PLPP3: variants seen among roughly 807,000 people sequenced by gnomAD.
The protein encoded by PLPP3 is PAP2 beta.
In PLPP3, 6 loss-of-function variants were observed where a neutral mutation model predicts 29.6. That is an observed-to-expected ratio of 0.20 (90% CI 0.11 to 0.40). The LOEUF (loss-of-function observed/expected upper bound fraction) is 0.40, where lower values mean the gene tolerates loss of function less well. Ranked by LOEUF, PLPP3 falls within the 10% of genes least tolerant of loss-of-function variation. The probability of loss-of-function intolerance (pLI) is 1.00; values close to 1 mark genes in which losing one functional copy is unlikely to be tolerated. For missense variants in PLPP3, 308 were observed against 407.7 expected (o/e 0.76, Z 2.11); for synonymous variants, 152 against 159.7 (o/e 0.95, Z 0.36).
chr1:56,559,231 C>T (rs1646104536), intron 1 of PLPP3, among the ~76,000 whole-genome samples: 1 of 152,144 alleles, frequency 6.6e-6, no homozygotes, highest in African/African-American at 2.4e-5. Context: ...GGCTGGAATA[C>T]AGATTTCTGT....
intron 1 of PLPP3, among the ~76,000 whole-genome samples, chr1:56,577,585 G>A (rs1646244602): frequency 6.6e-6 from 1 of 152,144 alleles, no homozygotes; most frequent in African/African-American, 2.4e-5. Flanking sequence ...ATACCAGAGA[G>A]GTATAACTCC....
chr1:56,572,316 C>T (rs1289216100), intron 1 of PLPP3, among the ~76,000 whole-genome samples: 2 of 152,116 alleles, frequency 1.3e-5, no homozygotes, highest in Non-Finnish European at 2.9e-5. Context: ...TCCCAAAGTG[C>T]TAGGATTACA....
chr1:56,575,970 G>A (rs1287156449), intron 1 of PLPP3, among the ~76,000 whole-genome samples: 1 of 152,074 alleles, frequency 6.6e-6, no homozygotes, highest in Non-Finnish European at 1.5e-5. Context: ...AAACTATCAC[G>A]CAAAGATTCA....
intron 1 of PLPP3, among the ~76,000 whole-genome samples, chr1:56,578,502 G>T (rs530984490): frequency 2.0e-5 from 3 of 152,320 alleles, no homozygotes; most frequent in African/African-American, 4.8e-5. Flanking sequence ...GATGGAGGGC[G>T]ACCAGCTAGC....
rs763962988 is a variant in PLPP3 at position 56,537,020 on chromosome 1, T to G, written c.232A>C (p.Lys78Gln). The G allele has an allele frequency of 5.0e-6, 8 of 1,613,724 alleles. No homozygotes were observed. The East Asian group carries it at 1.8e-4, about 36-fold the overall frequency. The change falls in exon 2 of 6, where the codon AAA (lysine) becomes CAA (glutamine). Residue 78 changes from lysine (K) to glutamine (Q), a missense_variant. By Grantham distance (53) the Lys-to-Gln change is moderately conservative. Around this residue, in one of 3 missense-constraint regions of PLPP3, gnomAD observed 232 missense variants for 317.2 expected, o/e 0.73. Coordinates refer to ENST00000371250, the MANE Select transcript of PLPP3 (RefSeq NM_003713.5). ...GCGTCATTTATTGTCTCACCAGTTTTCAGTGGGTACTTGATGCTCTCATCA... is the reference window on the plus strand; with the variant it reads ...GCGTCATTTATTGTCTCACCAGTTTGCAGTGGGTACTTGATGCTCTCATCA... The part of the protein sequence containing the change: ...CNDESIKYPL[K>Q]TGETINDAVL...
chr1:56,572,589 T>C (rs906377236), intron 1 of PLPP3, among the ~76,000 whole-genome samples: 2 of 152,222 alleles, frequency 1.3e-5, no homozygotes, highest in Non-Finnish European at 1.5e-5. Flanking sequence ...AACCTGCCAC[T>C]GCTTTTCTTC....
chr1:56,545,329 T>A (rs1012253167), intron 1 of PLPP3, among the ~76,000 whole-genome samples: 1 of 152,294 alleles, frequency 6.6e-6, no homozygotes, highest in East Asian at 1.9e-4. Context: ...AGGACTAAGA[T>A]GTAGTTGATA....
chr1:56,511,826 T>G, intron 5 of PLPP3, 150 bp downstream of exon 5: 1 of 845,536 alleles, frequency 1.2e-6, no homozygotes, highest in South Asian at 1.5e-5. Flanking sequence ...GAAGGAGTCC[T>G]AAGGCCTAAG....
intron 2 of PLPP3, among the ~76,000 whole-genome samples, chr1:56,527,789 G>A (rs1243240746): frequency 6.6e-6 from 1 of 152,110 alleles, no homozygotes. Flanking sequence ...TCTATTTAAT[G>A]AAATTTGGGT....
At chr1:56,526,865 C>A (rs1645856057) in intron 2 of PLPP3, among the ~76,000 whole-genome samples, 1 of 152,164 alleles carries the variant, frequency 6.6e-6, no homozygotes, top group Non-Finnish European at 1.5e-5. Context: ...AAGCAGGGAG[C>A]AGAACCAAGG....
At chr1:56,567,901 C>G (rs1646172253) in intron 1 of PLPP3, among the ~76,000 whole-genome samples, 1 of 152,058 alleles carries the variant, frequency 6.6e-6, no homozygotes, top group African/African-American at 2.4e-5. Flanking sequence ...AAATGTTCAT[C>G]AAGTGGTGAA....
chr1:56,527,604 C>T (rs774992816), intron 2 of PLPP3, among the ~76,000 whole-genome samples: 5 of 152,138 alleles, frequency 3.3e-5, no homozygotes, highest in Non-Finnish European at 7.4e-5. Context: ...AGACACATGA[C>T]TCCAGGACCA....
chr1:56,525,761 C>T (rs1352635704), intron 2 of PLPP3, among the ~76,000 whole-genome samples: 1 of 152,118 alleles, frequency 6.6e-6, no homozygotes, highest in East Asian at 1.9e-4. Flanking sequence ...GTTACACTTG[C>T]CCTTTCAGAG....
chr1:56,542,784 G>A (rs1645978861), intron 1 of PLPP3, among the ~76,000 whole-genome samples: 1 of 152,108 alleles, frequency 6.6e-6, no homozygotes, highest in African/African-American at 2.4e-5. Flanking sequence ...CCCTTTGGGA[G>A]GCTGAGGCAG....
At chr1:56,574,926 T>A (rs1347871210) in intron 1 of PLPP3, among the ~76,000 whole-genome samples, 1 of 152,186 alleles carries the variant, frequency 6.6e-6, no homozygotes. Context: ...CTTCCCTTTT[T>A]CGCAATGGTA....
At chr1:56,549,450 G>A (rs1054216701) in intron 1 of PLPP3, among the ~76,000 whole-genome samples, 3 of 152,086 alleles carry the variant, frequency 2.0e-5, no homozygotes, top group East Asian at 1.9e-4. Flanking sequence ...TTTGATCACC[G>A]GATCACACTT....
intron 2 of PLPP3, among the ~76,000 whole-genome samples, chr1:56,526,824 A>G (rs1193400333): frequency 6.6e-6 from 1 of 152,218 alleles, no homozygotes; most frequent in Non-Finnish European, 1.5e-5. Context: ...GCAATGGCAG[A>G]GGAAAGTTAC....
rs916329405 is a variant in PLPP3, at chr1:56,494,991, T to G, written c.*1560A>C. On this transcript the variant is annotated 3_prime_UTR_variant, in exon 6 of 6. Coordinates refer to ENST00000371250, the MANE Select transcript of PLPP3 (RefSeq NM_003713.5). ...AGAACTATGATATTTTAGTTGATAT[T>G]TAAAAAAATTAACTCAATGCTTTTT... is the stretch of plus-strand genomic sequence containing the variant. 4 of 152,612 alleles carry G rather than the reference T, an allele frequency of 2.6e-5. No homozygotes were observed. Among genetic ancestry groups the G allele is most frequent in the African/African-American group, 9.6e-5 (4 of 41,460 alleles). 9.5% of individuals were successfully genotyped at this position (152,612 alleles called of 1,614,324 possible). A position where few individuals can be genotyped will look rare whatever the true frequency, so the allele number is the denominator to read the frequency against.
chr1:56,577,717 TAGC>T (rs930878816), intron 1 of PLPP3, among the ~76,000 whole-genome samples: 2 of 152,180 alleles, frequency 1.3e-5, no homozygotes, highest in African/African-American at 2.4e-5. Flanking sequence ...TTTCTTCAGT[TAGC>T]AGAGTTGGCA....
Sources: gnomAD v4.1 joint callset for allele counts (sites outside exome capture counted in the v4.1 genomes callset) on GRCh38, gnomAD v4.1.1 for gene constraint, gnomAD v4.1.1 regional missense constraint, MANE v1.5 for transcripts, NCBI Gene and HGNC (gene_info 2026-07-23, HGNC 2026-07-21) for gene names.